Variants in GLI3 observed in about 807,000 individuals in gnomAD.
GLI3 encodes transcription activator GLI3.
Under a neutral mutation model 100.8 loss-of-function variants are expected in GLI3, and 20 were observed. That is an observed-to-expected ratio of 0.20 (90% confidence interval 0.14 to 0.29). GLI3 has a LOEUF of 0.29. GLI3 is among the 10% of genes least tolerant of loss of function. The pLI, the probability that GLI3 is intolerant of heterozygous loss-of-function variation, is 1.00. For synonymous variants in GLI3, 938 were observed against 860.5 expected (o/e 1.09, Z -1.58); for missense variants, 2,040 against 2,128.5 (o/e 0.96, Z 0.82).
intron 3 of GLI3, among the ~76,000 whole-genome samples, chr7:42,122,458 C>T (rs954563528): frequency 7.0e-6 from 1 of 142,466 alleles, no homozygotes; most frequent in Non-Finnish European, 1.6e-5. Context: ...GAGAGAAGAG[C>T]TTCATACCAA....
chr7:41,994,190 T>A (rs1788064256), intron 10 of GLI3, among the ~76,000 whole-genome samples: 1 of 152,220 alleles, frequency 6.6e-6, no homozygotes, highest in Non-Finnish European at 1.5e-5. Flanking sequence ...AAAGACCAAG[T>A]TATCCTTGAC....
At position 42,161,103 on chromosome 7, in the gene GLI3, A is replaced by T. The variant is rs959410912; in HGVS notation, c.125-12635T>A. 3.9e-5 allele frequency among the ~76,000 whole-genome samples: 6 copies of T among 152,230 alleles called. 1 individual carries two copies. Among genetic ancestry groups the T allele is most frequent in the Non-Finnish European group, 5.9e-5 (4 of 68,034 alleles). ...TTTTGTTTCTCCATAAACAATATTTACTAAGAAAAATCAAGCAAATTATTT... is the reference window on the plus strand; with the variant it reads ...TTTTGTTTCTCCATAAACAATATTTTCTAAGAAAAATCAAGCAAATTATTT... On this transcript the variant is annotated intron_variant, in intron 2 of 14. Transcript: ENST00000395925.
chr7:41,989,565 A>C (rs1787926468), intron 10 of GLI3, among the ~76,000 whole-genome samples: 1 of 152,176 alleles, frequency 6.6e-6, no homozygotes, highest in African/African-American at 2.4e-5. Flanking sequence ...ATTACCATCC[A>C]TTGCAATTGC....
intron 10 of GLI3, 106 bp from the exon 11 acceptor site, chr7:41,978,854 AC>A: frequency 1.0e-6 from 1 of 955,150 alleles, no homozygotes; most frequent in Non-Finnish European, 1.6e-6. Flanking sequence ...AATTCTAAAG[AC>A]CACAAGAATA....
intron 2 of GLI3, among the ~76,000 whole-genome samples, chr7:42,182,322 G>A (rs1037584531): frequency 1.3e-5 from 2 of 151,934 alleles, no homozygotes; most frequent in African/African-American, 4.8e-5. Flanking sequence ...GCGCAGGACA[G>A]CTTTAGGGGA....
intron 4 of GLI3, among the ~76,000 whole-genome samples, chr7:42,074,543 A>C (rs1175662264): frequency 1.3e-5 from 2 of 152,232 alleles, no homozygotes; most frequent in African/African-American, 4.8e-5. Context: ...CTTGAGGATG[A>C]ATATAAGCAG....
intron 13 of GLI3, among the ~76,000 whole-genome samples, chr7:41,970,115 G>T (rs1011216583): frequency 6.6e-6 from 1 of 151,832 alleles, no homozygotes. Flanking sequence ...TTAAAAAAAT[G>T]AAAACAAAAC....
At chr7:42,246,876 C>G (rs6463096) in intron 1 of GLI3, among the ~76,000 whole-genome samples, 1 of 144,652 alleles carries the variant, frequency 6.9e-6, no homozygotes, top group Non-Finnish European at 1.5e-5. Context: ...TGAAAAAAGT[C>G]TGTGAAATCC....
intron 2 of GLI3, among the ~76,000 whole-genome samples, chr7:42,213,287 C>T (rs947187553): frequency 6.6e-6 from 1 of 152,234 alleles, no homozygotes; most frequent in Non-Finnish European, 1.5e-5. Flanking sequence ...ATAATGCTGA[C>T]CACTACAATT....
intron 2 of GLI3, among the ~76,000 whole-genome samples, chr7:42,170,397 C>CT (rs1185274818): frequency 0.13 from 10,820 of 81,178 alleles, 1,679 homozygotes; most frequent in Non-Finnish European, 0.18. Flanking sequence ...ACTTACTGAT[C>CT]TTTTTTTTTT....
intron 2 of GLI3, among the ~76,000 whole-genome samples, chr7:42,188,096 CT>C (rs147498517): frequency 0.072 from 10,971 of 151,446 alleles, 417 homozygotes; most frequent in Middle Eastern, 0.1. Flanking sequence ...AGTGATGCAT[CT>C]ACAAGCCAAG....
chr7:42,092,811 T>G (rs563706083), intron 3 of GLI3, among the ~76,000 whole-genome samples: 46 of 147,132 alleles, frequency 3.1e-4, no homozygotes, highest in Middle Eastern at 3.4e-3. Context: ...ATTTATTTAT[T>G]TATGTATTTA....
chr7:42,026,384 C>T lies in GLI3; in HGVS notation c.1057G>A (p.Ala353Thr), dbSNP rs375277249. ...TGATGCATGTGGAGAGAGACGGGCG[C>T]GGAAGAGTAGGTGAAGCTCAAGGCA... ...SPALSFTYSS[A>T]PVSLHMHQQI... The change falls in exon 8 of 15, where the codon GCG (alanine) becomes ACG (threonine). Residue 353 changes from alanine (A) to threonine (T), a missense_variant. By Grantham distance (58) the Ala-to-Thr change is moderately conservative (BLOSUM62 0). This residue lies in a region of GLI3 where 603 missense variants were observed against 690.9 expected (regional missense o/e 0.87). Coordinates refer to ENST00000395925, the MANE Select transcript of GLI3 (RefSeq NM_000168.6). 2.2e-5 allele frequency: 36 copies of T among 1,613,840 alleles called. No individual in the cohort carries two copies. Among genetic ancestry groups the T allele is most frequent in the Admixed American group, 6.7e-5 (4 of 59,996 alleles).
intron 7 of GLI3, among the ~76,000 whole-genome samples, chr7:42,039,144 T>G (rs1784078883): frequency 6.6e-6 from 1 of 152,242 alleles, no homozygotes; most frequent in Admixed American, 6.5e-5. Flanking sequence ...CTAAATTAAT[T>G]AATTAGAGTA....
chr7:42,237,973 C>CCCT, upstream of GLI3: 1 of 154,820 alleles, frequency 6.5e-6, no homozygotes, highest in Non-Finnish European at 1.3e-5. Context: ...TCCCTCCCCG[C>CCCT]CCTCCGCCGC....
At chr7:42,238,702 C>G (rs548525002), upstream of GLI3, among the ~76,000 whole-genome samples, 2 of 152,106 alleles carry the variant, frequency 1.3e-5, no homozygotes, top group Admixed American at 1.3e-4. Context: ...AGTCCTTGTT[C>G]ATCTGCGTCA....
At position 42,015,140 on chromosome 7, in the gene GLI3, T is replaced by C. The variant is rs369027170; in HGVS notation, c.1497+8328A>G. Among the ~76,000 whole-genome samples the C allele has an allele frequency of 5.3e-5, 8 of 152,294 alleles. No homozygotes were observed. In the South Asian group the frequency reaches 1.7e-3, roughly 32 times the overall value. ...TAGAATGGATATTATTATCTCCACTTTACAGATGAGACACGGAGGATTTAC... is the reference window on the plus strand; with the variant it reads ...TAGAATGGATATTATTATCTCCACTCTACAGATGAGACACGGAGGATTTAC... On this transcript the variant is annotated intron_variant, in intron 10 of 14. Coordinates refer to ENST00000395925, the MANE Select transcript of GLI3 (RefSeq NM_000168.6).
At chr7:42,125,356 A>G (rs1183574387) in intron 3 of GLI3, among the ~76,000 whole-genome samples, 2 of 152,218 alleles carry the variant, frequency 1.3e-5, no homozygotes. Context: ...AGGCTGAACA[A>G]CAGCAGCAGA....
At chr7:42,052,097 C>T (rs1161394638) in intron 4 of GLI3, among the ~76,000 whole-genome samples, 1 of 152,130 alleles carries the variant, frequency 6.6e-6, no homozygotes, top group Non-Finnish European at 1.5e-5. Context: ...CCAGATTGGC[C>T]TCTTTTACTT....
Sources: allele counts gnomAD v4.1 joint callset (sites outside exome capture counted in the v4.1 genomes callset), GRCh38; gene constraint gnomAD v4.1.1; regional missense constraint gnomAD v4.1.1; transcripts MANE v1.5; gene names NCBI Gene and HGNC (gene_info 2026-07-23, HGNC 2026-07-21).